SCUBE2: variants seen among roughly 807,000 people sequenced by gnomAD.
SCUBE2 encodes signal peptide, CUB and EGF-like domain-containing protein 2.
Under a neutral mutation model 125.9 loss-of-function variants are expected in SCUBE2, and 114 were observed. That is an observed-to-expected ratio of 0.91 (90% CI 0.78 to 1.06). The LOEUF (loss-of-function observed/expected upper bound fraction) is 1.06. Ranked by LOEUF, SCUBE2 falls within the 50% of genes least tolerant of loss-of-function variation. SCUBE2 has a pLI of 0.00. For missense variants in SCUBE2, 1,255 were observed against 1,301.8 expected (o/e 0.96, Z 0.55); for synonymous variants, 459 against 492.9 (o/e 0.93, Z 0.91).
At chr11:9,045,888 A>G (rs1253088839) in intron 16 of SCUBE2, among the ~76,000 whole-genome samples, 1 of 152,082 alleles carries the variant, frequency 6.6e-6, no homozygotes, top group Non-Finnish European at 1.5e-5. Flanking sequence ...CTGAGACAAG[A>G]CACATTGGCT....
In SCUBE2 at chr11:9,025,922, C is replaced by T. The variant is rs1010032321; in HGVS notation, c.2702-68G>A. On this transcript the variant is annotated intron_variant, in intron 20 of 22. Coordinates refer to ENST00000649792, the MANE Select transcript of SCUBE2 (RefSeq NM_001367977.2). ...ACTGATCAGGCATAGAGTAGATGCT[C>T]ATCTTTCTAAACACTCAAACCATAC... is the stretch of plus-strand genomic sequence containing the variant. 1.2e-5 allele frequency: 18 copies of T among 1,485,758 alleles called. 1 individual carries two copies. In the South Asian group the frequency reaches 2.1e-4, roughly 17 times the overall value. The allele number at this position is 1,485,758 out of a possible 1,614,324, so 92.0% of individuals were successfully genotyped here. A position where few individuals can be genotyped will look rare whatever the true frequency, so the allele number is the denominator to read the frequency against.
At chr11:9,068,510 A>G (rs951728405) in intron 5 of SCUBE2, among the ~76,000 whole-genome samples, 2 of 152,212 alleles carry the variant, frequency 1.3e-5, no homozygotes, top group African/African-American at 2.4e-5. Context: ...GGAGACAGAC[A>G]CATCAACACA....
chr11:9,021,149 T>G lies in SCUBE2; in HGVS notation c.2983A>C (p.Asn995His). ...ALFDVLAHPQ[N>H]YFKYTAQESR... ...TCCTGGGCTGTGTACTTGAAATAGT[T>G]CTGGGGATGGGCCAGGACATCAAAC... The change falls in exon 23 of 23, where the codon AAC becomes CAC. Residue 995 changes from asparagine to histidine, a missense_variant. Transcript: ENST00000649792. The G allele has an allele frequency of 2.5e-6, 4 of 1,612,956 alleles. No individual in the cohort carries two copies. The highest frequency in any genetic ancestry group is 3.4e-6 in the Non-Finnish European group (4 of 1,179,432).
intron 2 of SCUBE2, among the ~76,000 whole-genome samples, chr11:9,086,049 G>T (rs1862041076): frequency 6.6e-6 from 1 of 152,064 alleles, no homozygotes; most frequent in Non-Finnish European, 1.5e-5. Context: ...GCCCAGGCTG[G>T]TCTCAAACCC....
chr11:9,060,836 G>A (rs1051685711), intron 7 of SCUBE2, among the ~76,000 whole-genome samples: 1 of 152,202 alleles, frequency 6.6e-6, no homozygotes, highest in African/African-American at 2.4e-5. Context: ...ACCTAAGTAG[G>A]ACCACATCTG....
In SCUBE2 at chr11:9,047,448, A is replaced by G; in HGVS notation, c.1910T>C (p.Met637Thr). The change falls in exon 16 of 23, where the codon ATG (methionine) becomes ACG (threonine). Residue 637 changes from methionine (M) to threonine (T), a missense_variant. Met to Thr is a moderately conservative substitution (Grantham distance 81). Coordinates refer to ENST00000649792, the MANE Select transcript of SCUBE2 (RefSeq NM_001367977.2). ...REQFHLQLSG[M>T]NLDVAKKPPR... Reference sequence around the variant, plus strand: ...AGGCTTTTTAGCCACGTCGAGGTTCATGCCTGAGAGCTGGAGGTGAAACTG... The same window carrying G: ...AGGCTTTTTAGCCACGTCGAGGTTCGTGCCTGAGAGCTGGAGGTGAAACTG... 2 of 1,613,890 alleles carry G rather than the reference A, an allele frequency of 1.2e-6. No homozygotes were observed. Among genetic ancestry groups the G allele is most frequent in the Non-Finnish European group, 1.7e-6 (2 of 1,180,016 alleles).
chr11:9,046,075 C>T (rs560635724), intron 16 of SCUBE2, among the ~76,000 whole-genome samples: 1 of 145,752 alleles, frequency 6.9e-6, no homozygotes, highest in Admixed American at 7.1e-5. Flanking sequence ...GGCACGATCT[C>T]GGCTCACTGC....
intron 2 of SCUBE2, among the ~76,000 whole-genome samples, chr11:9,084,697 ACTCATAAC>A: frequency 6.6e-6 from 1 of 152,096 alleles, no homozygotes. Flanking sequence ...CTGGCCAAAA[ACTCATAAC>A]CTCAATTTTA....
At chr11:9,048,141 AG>A (rs1857991730) in intron 14 of SCUBE2, 43 bp from the exon 15 acceptor site, 1 of 1,582,214 alleles carries the variant, frequency 6.3e-7, no homozygotes, top group Admixed American at 1.8e-5. Context: ...ATCCTGGCAA[AG>A]CACTCAGCTG....
chr11:9,039,483 CTTTG>C (rs1160187904), intron 16 of SCUBE2, among the ~76,000 whole-genome samples: 1 of 152,062 alleles, frequency 6.6e-6, no homozygotes, highest in Non-Finnish European at 1.5e-5. Context: ...GGATAAGAAG[CTTTG>C]TTTGGAAACA....
At chr11:9,077,916 C>G (rs1181446999) in intron 3 of SCUBE2, among the ~76,000 whole-genome samples, 5 of 152,234 alleles carry the variant, frequency 3.3e-5, no homozygotes, top group Non-Finnish European at 7.3e-5. Flanking sequence ...GCCCACCAGC[C>G]CTGGCCCAGG....
chr11:9,090,679 G>A (rs978071573), intron 1 of SCUBE2, among the ~76,000 whole-genome samples: 1 of 151,932 alleles, frequency 6.6e-6, no homozygotes. Context: ...AAGCGGGGAT[G>A]GTGTCCCCAT....
At chr11:9,090,770 A>C (rs538925339) in intron 1 of SCUBE2, among the ~76,000 whole-genome samples, 2 of 152,184 alleles carry the variant, frequency 1.3e-5, no homozygotes, top group East Asian at 1.9e-4. Context: ...CTGGGTTGAC[A>C]CTACTCCAGG....
chr11:9,031,226 A>G (rs998536285), intron 17 of SCUBE2: 7 of 235,276 alleles, frequency 3.0e-5, no homozygotes, highest in Non-Finnish European at 5.8e-5. Context: ...AGGCCTACAC[A>G]CTGCCTAGGC....
intron 5 of SCUBE2, 64 bp from the exon 6 acceptor site, chr11:9,066,877 C>G: frequency 1.5e-6 from 2 of 1,324,062 alleles, no homozygotes; most frequent in East Asian, 4.6e-5. Context: ...GCTGTGTTTG[C>G]TCCAGAGAAA....
At chr11:9,086,044 G>T (rs575093824) in intron 2 of SCUBE2, among the ~76,000 whole-genome samples, 1 of 152,198 alleles carries the variant, frequency 6.6e-6, no homozygotes, top group East Asian at 1.9e-4. Flanking sequence ...ATGTTGCCCA[G>T]GCTGGTCTCA....
chr11:9,057,717 G>C (rs1466161550), intron 9 of SCUBE2, among the ~76,000 whole-genome samples: 1 of 151,990 alleles, frequency 6.6e-6, no homozygotes, highest in South Asian at 2.1e-4. Flanking sequence ...ATTTTTAGTA[G>C]AGACGGGGTT....
intron 16 of SCUBE2, among the ~76,000 whole-genome samples, chr11:9,046,001 CTTTTTTTTTTTT>C (rs58572754): frequency 5.4e-5 from 5 of 92,040 alleles, no homozygotes; most frequent in Admixed American, 1.2e-4. Flanking sequence ...GTCTTTCTTT[CTTTTTTTTTTTT>C]TTTTTTTTTT....
intron 2 of SCUBE2, among the ~76,000 whole-genome samples, chr11:9,079,788 G>A (rs149460239): frequency 1.9e-3 from 283 of 152,242 alleles, no homozygotes; most frequent in African/African-American, 6.5e-3. Flanking sequence ...AAGAGAGAAT[G>A]AGGAAGATCT....
Sources: gnomAD v4.1 joint callset for allele counts (sites outside exome capture counted in the v4.1 genomes callset) on GRCh38, gnomAD v4.1.1 for gene constraint, MANE v1.5 for transcripts, NCBI Gene and HGNC (gene_info 2026-07-23, HGNC 2026-07-21) for gene names.